TONSL: variants seen among roughly 807,000 people sequenced by gnomAD.
TONSL encodes tonsoku-like protein.
TONSL carries 112 observed loss-of-function variants against 147.1 expected under a neutral mutation model. The ratio of observed to expected loss-of-function variants is 0.76; its 90% CI spans 0.65 to 0.89. TONSL has a LOEUF of 0.89. TONSL is among the 40% of genes least tolerant of loss of function. TONSL has a pLI of 0.00. For missense variants in TONSL, 1,883 were observed against 1,864.6 expected (o/e 1.01, Z -0.18); for synonymous variants, 868 against 801.5 (o/e 1.08, Z -1.40).
intron 7 of TONSL, 174 bp from the exon 8 acceptor site, chr8:144,441,285 A>G (rs1319729693): frequency 2.2e-6 from 2 of 905,480 alleles, no homozygotes; most frequent in Non-Finnish European, 3.2e-6. Context: ...CAAGGGTCAC[A>G]AGAACTAACA....
intron 13 of TONSL, 93 bp downstream of exon 13, chr8:144,438,378 G>C: frequency 3.6e-6 from 5 of 1,374,282 alleles, no homozygotes; most frequent in Non-Finnish European, 3.0e-6. Context: ...TTGAAGATGA[G>C]GAAGTTGAGA....
Position 144,435,971 on chromosome 8 carries a change from T to TG in TONSL, c.2461dup (p.Gln821ProfsTer41), listed in dbSNP as rs1324822892. 2 of 1,556,192 alleles carry TG rather than the reference T, an allele frequency of 1.3e-6. No individual in the cohort carries two copies. The highest frequency in any genetic ancestry group is 8.7e-7 in the Non-Finnish European group (1 of 1,151,358). ...CTCCTCCTCCGGGATGAGCGCTGCC[T>TG]GGGGGGCAAGGGCTTTGCTGTGGCC... On this transcript the variant is annotated frameshift_variant, in exon 17 of 26. Transcript: ENST00000409379. LOFTEE classifies it high-confidence loss of function.
At chr8:144,443,063 G>T in intron 4 of TONSL, 75 bp downstream of exon 4, 1 of 1,486,144 alleles carries the variant, frequency 6.7e-7, no homozygotes, top group Non-Finnish European at 9.1e-7. Flanking sequence ...TGCCCAAGGA[G>T]GCTGCGGGGG....
At position 144,433,724 on chromosome 8, in the gene TONSL, CA is replaced by C; in HGVS notation, c.3422del (p.Leu1141ArgfsTer35). The C allele has an allele frequency of 6.2e-7, 1 of 1,602,306 alleles. No individual in the cohort carries two copies. Among genetic ancestry groups the C allele is most frequent in the South Asian group, 1.1e-5 (1 of 89,920 alleles). On this transcript the variant is annotated frameshift_variant, in exon 22 of 26. Transcript: ENST00000409379. LOFTEE classifies it high-confidence loss of function. ...LEELDLSMNP[L>X]GDGCGQSLAS... ...CCAGGGACTGGCCACAGCCGTCCCC[CA>C]GGGGGTTCATGCTTAAGTCCAGCTC...
intron 9 of TONSL, 25 bp from the exon 10 acceptor site, chr8:144,440,501 C>A: frequency 6.4e-7 from 1 of 1,572,296 alleles, no homozygotes; most frequent in Non-Finnish European, 8.6e-7. Context: ...AGGACAGGGT[C>A]GGGGGCTGCC....
At position 144,432,368 on chromosome 8, in the gene TONSL, G is replaced by A; in HGVS notation, c.3652C>T (p.Leu1218Phe). ...RTLQSLPAGT[L>F]LHLELSSVAA... Reference sequence around the variant, plus strand: ...ACGGAGCTGAGCTCTAAGTGCAGGAGGGTGCCGGCGGGCAGGCTCTGCAGG... The same window carrying A: ...ACGGAGCTGAGCTCTAAGTGCAGGAAGGTGCCGGCGGGCAGGCTCTGCAGG... Residue 1218 changes from leucine (L) to phenylalanine (F), a missense_variant, in exon 23 of 26, where the codon CTC becomes TTC. Coordinates refer to ENST00000409379, the MANE Select transcript of TONSL (RefSeq NM_013432.5). 5 of 1,613,040 alleles carry A rather than the reference G, an allele frequency of 3.1e-6. No homozygotes were observed. Among genetic ancestry groups the A allele is most frequent in the Non-Finnish European group, 4.2e-6 (5 of 1,179,692 alleles).
chr8:144,430,634 C>T, intron 24 of TONSL, 97 bp from the exon 25 acceptor site: 2 of 1,436,912 alleles, frequency 1.4e-6, no homozygotes, highest in Non-Finnish European at 9.3e-7. Context: ...CTCAGGGAGC[C>T]TCGGGCCAGA....
chr8:144,440,135 G>T lies in TONSL; in HGVS notation c.1366C>A (p.Leu456Ile). ...PQEAPETETR[L>I]RELSVAEDED... ...TCTTCAGCTACACTGAGCTCCCGTA[G>T]TCTGGTTTCGGTCTCAGGGGCCTCC... Residue 456 changes from leucine (L) to isoleucine (I), a missense_variant, in exon 11 of 26, where the codon CTA becomes ATA. By Grantham distance (5) the Leu-to-Ile change is conservative (BLOSUM62 2). Transcript: ENST00000409379. The T allele has an allele frequency of 6.2e-7, 1 of 1,611,948 alleles. No homozygotes were observed. Among genetic ancestry groups the T allele is most frequent in the Non-Finnish European group, 8.5e-7 (1 of 1,179,664 alleles).
At chr8:144,432,183 C>A (rs141592149) in intron 23 of TONSL, 102 bp downstream of exon 23, 1 of 1,298,030 alleles carries the variant, frequency 7.7e-7, no homozygotes. Context: ...AGCCCCTCAG[C>A]GAGTTCAGCC....
rs1823764533 is a variant in TONSL, at chr8:144,442,667, AGGG to A, written c.578+7_578+9del. On this transcript the variant is annotated splice_region_variant and intron_variant, in intron 5 of 25. Transcript: ENST00000409379. The stretch of plus-strand genomic sequence containing the variant: ...ACTCCACTCCCTCCTGGGGCGGGGC[AGGG>A]CCTTACTCCGCAAGGAAGATGCTCT... The A allele has an allele frequency of 6.2e-7, 1 of 1,610,998 alleles. No individual in the cohort carries two copies. The highest frequency in any genetic ancestry group is 8.5e-7 in the Non-Finnish European group (1 of 1,179,108).
At chr8:144,438,070 T>C (rs534491740) in intron 13 of TONSL, among the ~76,000 whole-genome samples, 1 of 152,152 alleles carries the variant, frequency 6.6e-6, no homozygotes, top group Non-Finnish European at 1.5e-5. Flanking sequence ...ATCCACCTAA[T>C]TTTTAAATTT....
chr8:144,429,346 G>A lies in TONSL; in HGVS notation c.3944-10C>T, dbSNP rs1554878115. The A allele has an allele frequency of 3.5e-6, 5 of 1,425,608 alleles. No homozygotes were observed. The South Asian group carries it at 7.3e-5, about 21-fold the overall frequency. 88.3% of individuals were successfully genotyped at this position (1,425,608 alleles called of 1,614,324 possible). ...CCCTGGACGGCGCAGCCTGCGGAGGGGAAGAGGGCAGACCTCAGCGCTGCG... is the reference window on the plus strand; with the variant it reads ...CCCTGGACGGCGCAGCCTGCGGAGGAGAAGAGGGCAGACCTCAGCGCTGCG... On this transcript the variant is annotated splice_polypyrimidine_tract_variant and intron_variant, in intron 25 of 25. Transcript: ENST00000409379.
intron 23 of TONSL, 150 bp from the exon 24 acceptor site, chr8:144,431,301 G>T (rs782082606): frequency 3.3e-4 from 225 of 684,704 alleles, no homozygotes; most frequent in Non-Finnish European, 5.0e-4. Flanking sequence ...TCCTGATGTG[G>T]GTCACACTCT....
In TONSL at chr8:144,435,145, G is replaced by T; in HGVS notation, c.2878C>A (p.Leu960Met). 1.9e-6 allele frequency: 3 copies of T among 1,564,372 alleles called. No homozygotes were observed. The highest frequency in any genetic ancestry group is 1.2e-5 in the South Asian group (1 of 86,278). The change falls in exon 19 of 26, where the codon CTG becomes ATG. Residue 960 changes from leucine (L) to methionine (M), a missense_variant. Coordinates refer to ENST00000409379, the MANE Select transcript of TONSL (RefSeq NM_013432.5). ...HSSDTHSVAWLAEQAAQRYYQ... is the reference protein window; with the variant it reads ...HSSDTHSVAWMAEQAAQRYYQ... The stretch of plus-strand genomic sequence containing the variant: ...TAGCGCTGGGCCGCCTGCTCGGCCA[G>T]CCAGGCCACAGAGTGGGTGTCACTG...
chr8:144,439,477 C>A (rs1823617968), intron 11 of TONSL, among the ~76,000 whole-genome samples: 1 of 152,164 alleles, frequency 6.6e-6, no homozygotes, highest in African/African-American at 2.4e-5. Flanking sequence ...CCCCAACAGG[C>A]CTCATGGACA....
Position 144,436,408 on chromosome 8 carries a change from G to A in TONSL, c.2025C>T (p.Ser675=), listed in dbSNP as rs200998271. The change falls in exon 17 of 26, where the codon AGC becomes AGT. Residue 675 remains serine, a synonymous_variant. Coordinates refer to ENST00000409379, the MANE Select transcript of TONSL (RefSeq NM_013432.5). The part of the protein sequence containing the change: ...QAAASGQDPH[S]SQAFHTPSSL... ...TGCTTGGGGTGTGGAAGGCCTGGGA[G>A]CTGTGGGGATCTGTGGGAGAGAGAA... is the stretch of plus-strand genomic sequence containing the variant. 161 of 1,512,702 alleles carry A rather than the reference G, an allele frequency of 1.1e-4. No homozygotes were observed. The highest frequency in any genetic ancestry group is 1.3e-4 in the Non-Finnish European group (149 of 1,136,164). 93.7% of individuals were successfully genotyped at this position (1,512,702 alleles called of 1,614,324 possible). A position where few individuals can be genotyped will look rare whatever the true frequency, so the allele number is the denominator to read the frequency against.
chr8:144,434,712 A>G, intron 20 of TONSL, 99 bp downstream of exon 20: 2 of 1,406,166 alleles, frequency 1.4e-6, no homozygotes, highest in South Asian at 1.4e-5. Flanking sequence ...GTGCACCCCA[A>G]AACACCCGAG....
At position 144,443,930 on chromosome 8, in the gene TONSL, C is replaced by A. The variant is rs1369359521; in HGVS notation, c.216G>T (p.Lys72Asn). ...DPLGCAVAHR[K>N]IGERLAEMED... ...CCATCTCGGCCAGGCGCTCTCCGAT[C>A]TTGCGGTGGGCCACGGCACAGCCCA... Residue 72 changes from lysine to asparagine, a missense_variant, in exon 3 of 26, where the codon AAG (lysine) becomes AAT (asparagine). Physicochemically the swap from Lys to Asn is moderately conservative, Grantham distance 94 (BLOSUM62 0). Coordinates refer to ENST00000409379, the MANE Select transcript of TONSL (RefSeq NM_013432.5). The A allele has an allele frequency of 3.2e-6, 5 of 1,544,864 alleles. No individual in the cohort carries two copies. Among genetic ancestry groups the A allele is most frequent in the Non-Finnish European group, 3.5e-6 (4 of 1,146,682 alleles).
Position 144,428,989 on chromosome 8 carries a change from C to A in TONSL, c.*154G>T. 3 of 848,210 alleles carry A rather than the reference C, an allele frequency of 3.5e-6. No homozygotes were observed. Among genetic ancestry groups the A allele is most frequent in the Non-Finnish European group, 5.1e-6 (3 of 591,426 alleles). The allele number at this position is 848,210 out of a possible 1,614,324, so 52.5% of individuals were successfully genotyped here. ...TATTTTTAGTAGAGACGGGGTTTCA[C>A]CATGTTAGCCAGGATGGTCTCGATC... On this transcript the variant is annotated 3_prime_UTR_variant, in exon 26 of 26. Coordinates refer to ENST00000409379, the MANE Select transcript of TONSL (RefSeq NM_013432.5).
Sources: allele counts gnomAD v4.1 joint callset (sites outside exome capture counted in the v4.1 genomes callset), GRCh38; gene constraint gnomAD v4.1.1; transcripts MANE v1.5; gene names NCBI Gene and HGNC (gene_info 2026-07-23, HGNC 2026-07-21).